The following RTN4 variants were observed in gnomAD, a reference collection of about 807,000 sequenced individuals.
The protein encoded by RTN4 is reticulon-4.
Under a neutral mutation model 90.4 loss-of-function variants are expected in RTN4, and 32 were observed. The ratio of observed to expected loss-of-function variants is 0.35; its 90% CI spans 0.27 to 0.48. The LOEUF (loss-of-function observed/expected upper bound fraction) is 0.48. RTN4 is among the 20% of genes least tolerant of loss of function. The pLI is 0.99. For missense variants in RTN4, 1,706 were observed against 1,430.2 expected (o/e 1.19, Z -3.11); for synonymous variants, 629 against 552.5 (o/e 1.14, Z -1.94).
Position 54,973,132 on chromosome 2 carries a change from T to G in RTN4, c.*24A>C. On this transcript the variant is annotated 3_prime_UTR_variant, in exon 9 of 9. Coordinates refer to ENST00000337526, the MANE Select transcript of RTN4 (RefSeq NM_020532.5). ...ATGAATATCCCCTTTAAAGATGAAC[T>G]CCTACTAATTATTTTGGGCGTTTTC... The G allele has an allele frequency of 1.9e-6, 3 of 1,593,394 alleles. No homozygotes were observed. Among genetic ancestry groups the G allele is most frequent in the South Asian group, 1.1e-5 (1 of 89,702 alleles).
At chr2:55,047,278 C>A (rs1211408494) in intron 1 of RTN4, among the ~76,000 whole-genome samples, 3 of 146,780 alleles carry the variant, frequency 2.0e-5, no homozygotes, top group African/African-American at 7.6e-5. Context: ...TGCAGTGAGC[C>A]AAGATTGCGT....
At chr2:55,069,430 A>C (rs908832610) in intron 2 of RTN4, among the ~76,000 whole-genome samples, 8 of 152,236 alleles carry the variant, frequency 5.3e-5, no homozygotes, top group Non-Finnish European at 1.2e-4. Context: ...TAGTAAATTC[A>C]ACTCTGCCAT....
At chr2:55,017,102 T>C (rs2104820023) in intron 3 of RTN4, among the ~76,000 whole-genome samples, 1 of 152,306 alleles carries the variant, frequency 6.6e-6, no homozygotes, top group South Asian at 2.1e-4. Context: ...CTAATTTAGC[T>C]ACATTGTACA....
At chr2:54,981,613 G>A (rs971083821) in intron 5 of RTN4, among the ~76,000 whole-genome samples, 2 of 152,126 alleles carry the variant, frequency 1.3e-5, no homozygotes, top group African/African-American at 2.4e-5. Context: ...ACACAACTGT[G>A]GTTTAGTGCC....
chr2:55,106,136 T>A (rs1230971374), intron 1 of RTN4, among the ~76,000 whole-genome samples: 1 of 152,120 alleles, frequency 6.6e-6, no homozygotes, highest in African/African-American at 2.4e-5. Context: ...AGATTTGGTA[T>A]TCGGTTTGTT....
chr2:55,083,189 A>G (rs1036431137), intron 1 of RTN4, among the ~76,000 whole-genome samples: 2 of 152,192 alleles, frequency 1.3e-5, no homozygotes, highest in Non-Finnish European at 2.9e-5. Context: ...TTGCTTATAA[A>G]TATAACAATA....
chr2:55,006,872 C>T (rs1680265948), intron 3 of RTN4, among the ~76,000 whole-genome samples: 1 of 152,050 alleles, frequency 6.6e-6, no homozygotes, highest in Non-Finnish European at 1.5e-5. Flanking sequence ...TCCCTAAAGC[C>T]GCAGACCTCC....
At chr2:55,131,273 A>G in the RTN4 span, among the ~76,000 whole-genome samples, 3 of 151,770 alleles carry the variant, frequency 2.0e-5, no homozygotes, top group African/African-American at 7.3e-5. Context: ...CAGTGGTGCA[A>G]TCTCAGCTCA....
chr2:55,004,888 G>A (rs2104764124), intron 3 of RTN4, among the ~76,000 whole-genome samples: 1 of 152,228 alleles, frequency 6.6e-6, no homozygotes, highest in African/African-American at 2.4e-5. Context: ...AAAACCGAGA[G>A]ATGGGAGTGA....
At chr2:55,042,691 A>T (rs1025008924) in intron 1 of RTN4, among the ~76,000 whole-genome samples, 1 of 152,204 alleles carries the variant, frequency 6.6e-6, no homozygotes, top group African/African-American at 2.4e-5. Flanking sequence ...TGGGATTTTT[A>T]TTGAGAGAAG....
chr2:55,081,236 G>T (rs755480565), intron 1 of RTN4, among the ~76,000 whole-genome samples: 39 of 152,038 alleles, frequency 2.6e-4, no homozygotes, highest in Non-Finnish European at 4.3e-4. Context: ...ACCATGCCCT[G>T]CTAATTTGTT....
intron 3 of RTN4, among the ~76,000 whole-genome samples, chr2:55,007,723 T>G (rs1680333142): frequency 6.6e-6 from 1 of 152,126 alleles, no homozygotes; most frequent in Admixed American, 6.6e-5. Context: ...TCTGCATTTT[T>G]AAGAAGCACT....
chr2:54,987,564 C>G lies in RTN4; in HGVS notation c.3148G>C (p.Val1050Leu). The G allele has an allele frequency of 6.2e-7, 1 of 1,614,182 alleles. No individual in the cohort carries two copies. Among genetic ancestry groups the G allele is most frequent in the African/African-American group, 1.3e-5 (1 of 75,050 alleles). The change falls in exon 4 of 9, where the codon GTG becomes CTG. Residue 1050 changes from valine to leucine, a missense_variant. Physicochemically the swap from Val to Leu is conservative, Grantham distance 32 (BLOSUM62 1). Transcript: ENST00000337526. ...TTGTATATCCTAAAGCTGATGGTCA[C>G]AGAGAGCAGGGCCAAGGCAATGTAG... is the stretch of plus-strand genomic sequence containing the variant. ...TAYIALALLS[V>L]TISFRIYKGV... is the part of the protein sequence containing the mutation.
intron 5 of RTN4, among the ~76,000 whole-genome samples, chr2:54,978,901 G>A (rs1198534366): frequency 6.6e-6 from 1 of 152,026 alleles, no homozygotes; most frequent in Non-Finnish European, 1.5e-5. Context: ...TTTTCCTTAT[G>A]TTGAAAAAGT....
intron 1 of RTN4, among the ~76,000 whole-genome samples, chr2:55,106,799 C>G (rs950448464): frequency 2.6e-5 from 4 of 152,164 alleles, no homozygotes; most frequent in Admixed American, 1.3e-4. Context: ...GGATTACAGG[C>G]GTGAGCCACC....
upstream of RTN4, among the ~76,000 whole-genome samples, chr2:55,051,517 G>C (rs561764947): frequency 6.6e-6 from 1 of 152,280 alleles, no homozygotes; most frequent in South Asian, 2.1e-4. Context: ...GAACATCTTT[G>C]TAAGAATCAG....
chr2:54,990,096 G>GA (rs1490003975), intron 3 of RTN4, among the ~76,000 whole-genome samples: 1 of 152,146 alleles, frequency 6.6e-6, no homozygotes, highest in African/African-American at 2.4e-5. Context: ...GTGACCTCAG[G>GA]AAAGTCACTA....
At position 54,990,856 on chromosome 2, in the gene RTN4, G is replaced by A. The variant is rs142198521; in HGVS notation, c.3014-3158C>T. On this transcript the variant is annotated intron_variant, in intron 3 of 8. Coordinates refer to ENST00000337526, the MANE Select transcript of RTN4 (RefSeq NM_020532.5). Reference sequence around the variant, plus strand: ...GCTGGAGTGCAGTGGCGCGATCTCGGCTCATTGCAAGCTCCGCCTCCCAGG... The same window carrying A: ...GCTGGAGTGCAGTGGCGCGATCTCGACTCATTGCAAGCTCCGCCTCCCAGG... Among the ~76,000 whole-genome samples the A allele has an allele frequency of 5.3e-4, 80 of 152,178 alleles. 1 individual carries two copies. Among genetic ancestry groups the A allele is most frequent in the African/African-American group, 1.9e-3 (79 of 41,510 alleles).
the RTN4 span, among the ~76,000 whole-genome samples, chr2:55,118,686 T>G: frequency 6.6e-6 from 1 of 152,180 alleles, no homozygotes; most frequent in Non-Finnish European, 1.5e-5. Flanking sequence ...TTAAGTCTAG[T>G]GGATTCTGAA....
Sources: gnomAD v4.1 joint callset for allele counts (sites outside exome capture counted in the v4.1 genomes callset) on GRCh38, gnomAD v4.1.1 for gene constraint, MANE v1.5 for transcripts, NCBI Gene and HGNC (gene_info 2026-07-23, HGNC 2026-07-21) for gene names.